Variants in KCNT2 observed in about 807,000 individuals in gnomAD.
The protein encoded by KCNT2 is potassium sodium-activated channel subfamily T member 2.
Under a neutral mutation model 153.8 loss-of-function variants are expected in KCNT2, and 67 were observed. That is an observed-to-expected ratio of 0.44 (90% CI 0.36 to 0.53). KCNT2 has a LOEUF of 0.53. KCNT2 is among the 20% of genes least tolerant of loss of function. The pLI is 0.00. For synonymous variants in KCNT2, 500 were observed against 458.8 expected (o/e 1.09, Z -1.15); for missense variants, 975 against 1,354.8 (o/e 0.72, Z 4.40).
chr1:196,511,152 C>G (rs1464759282), intron 1 of KCNT2, among the ~76,000 whole-genome samples: 1 of 128,002 alleles, frequency 7.8e-6, no homozygotes, highest in African/African-American at 2.9e-5. Flanking sequence ...CACACACACA[C>G]ACACAACTTT....
At chr1:196,560,216 C>A (rs1469828121) in intron 1 of KCNT2, among the ~76,000 whole-genome samples, 1 of 151,412 alleles carries the variant, frequency 6.6e-6, no homozygotes, top group Non-Finnish European at 1.5e-5. Flanking sequence ...AGGAGACAGC[C>A]CTTAATAAAA....
intron 3 of KCNT2, among the ~76,000 whole-genome samples, chr1:196,483,808 A>T (rs1679202785): frequency 6.6e-6 from 1 of 152,144 alleles, no homozygotes; most frequent in Admixed American, 6.6e-5. Flanking sequence ...GTTCCATAAG[A>T]TAAAATAACT....
intron 22 of KCNT2, among the ~76,000 whole-genome samples, chr1:196,295,858 T>G (rs555771961): frequency 8.5e-5 from 13 of 152,124 alleles, no homozygotes. Flanking sequence ...CCTTAGAAGA[T>G]AAACAAAGGA....
intron 12 of KCNT2, among the ~76,000 whole-genome samples, chr1:196,406,683 C>A (rs1267764502): frequency 6.6e-6 from 1 of 151,280 alleles, no homozygotes. Flanking sequence ...ATTTTGTCCT[C>A]CTGCCAAGTT....
At chr1:196,371,390 A>T (rs1304254301) in intron 14 of KCNT2, among the ~76,000 whole-genome samples, 1 of 151,888 alleles carries the variant, frequency 6.6e-6, no homozygotes, top group East Asian at 1.9e-4. Flanking sequence ...AAGGGTAGAT[A>T]ATTTCTTTAT....
chr1:196,419,337 C>A (rs1254529217), intron 12 of KCNT2, among the ~76,000 whole-genome samples: 1 of 101,762 alleles, frequency 9.8e-6, no homozygotes, highest in Non-Finnish European at 1.9e-5. Flanking sequence ...TCCCCCCTCC[C>A]CCCACCCCAC....
intron 9 of KCNT2, among the ~76,000 whole-genome samples, chr1:196,428,662 C>A (rs1673862590): frequency 6.6e-6 from 1 of 152,050 alleles, no homozygotes; most frequent in Non-Finnish European, 1.5e-5. Flanking sequence ...CACAAGGCCA[C>A]ATTCTAGCTG....
At chr1:196,400,259 C>T (rs998209901) in intron 12 of KCNT2, among the ~76,000 whole-genome samples, 8 of 151,446 alleles carry the variant, frequency 5.3e-5, no homozygotes, top group African/African-American at 1.9e-4. Context: ...TAGAAGTACA[C>T]AATTTTAAAG....
intron 1 of KCNT2, among the ~76,000 whole-genome samples, chr1:196,607,556 G>A (rs1029625292): frequency 1.3e-5 from 2 of 152,106 alleles, no homozygotes; most frequent in Non-Finnish European, 2.9e-5. Context: ...TTATGAAAAG[G>A]TTGTATCATG....
intron 8 of KCNT2, among the ~76,000 whole-genome samples, chr1:196,439,521 A>G (rs577596187): frequency 1.3e-5 from 2 of 152,092 alleles, no homozygotes; most frequent in African/African-American, 4.8e-5. Flanking sequence ...GTGGTTTTCA[A>G]CAAATAGTTA....
intron 8 of KCNT2, among the ~76,000 whole-genome samples, chr1:196,437,290 T>A (rs1333495337): frequency 2.9e-5 from 1 of 34,152 alleles, no homozygotes; most frequent in Admixed American, 4.3e-4. Context: ...AAAATATATA[T>A]AATATATATA....
chr1:196,264,766 A>C (rs1657372332), intron 25 of KCNT2, among the ~76,000 whole-genome samples: 2 of 152,040 alleles, frequency 1.3e-5, no homozygotes, highest in African/African-American at 2.4e-5. Flanking sequence ...CGAGCAGCTA[A>C]GACCACAGGC....
At position 196,534,456 on chromosome 1, in the gene KCNT2, G is replaced by A. The variant is rs529951716; in HGVS notation, c.96-42115C>T. Among the ~76,000 whole-genome samples, 6 of 152,172 alleles carry A rather than the reference G, an allele frequency of 3.9e-5. No individual in the cohort carries two copies. The South Asian group carries it at 6.2e-4, about 16-fold the overall frequency. ...ATTAACATAGTATTTGCTAGAGTTG[G>A]GGAGACTAATTACTTGAGCTGAAAC... is the stretch of plus-strand genomic sequence containing the variant. On this transcript the variant is annotated intron_variant, in intron 1 of 27. Coordinates refer to ENST00000294725, the MANE Select transcript of KCNT2 (RefSeq NM_198503.5).
intron 8 of KCNT2, among the ~76,000 whole-genome samples, chr1:196,431,497 G>A (rs1324537160): frequency 2.6e-5 from 4 of 152,144 alleles, no homozygotes; most frequent in South Asian, 2.1e-4. Flanking sequence ...AATACCGACG[G>A]TAACGGCCTT....
At chr1:196,552,072 T>G (rs1229592916) in intron 1 of KCNT2, among the ~76,000 whole-genome samples, 1 of 151,542 alleles carries the variant, frequency 6.6e-6, no homozygotes, top group Non-Finnish European at 1.5e-5. Context: ...TTCTCCCTCC[T>G]ATTCTCTTCT....
chr1:196,424,214 A>G (rs746337567), intron 11 of KCNT2, among the ~76,000 whole-genome samples: 11 of 151,902 alleles, frequency 7.2e-5, no homozygotes, highest in Non-Finnish European at 1.2e-4. Flanking sequence ...AATTAGTTAC[A>G]TTAATCCTAA....
chr1:196,383,906 C>A (rs964244143), intron 13 of KCNT2, among the ~76,000 whole-genome samples: 9 of 152,044 alleles, frequency 5.9e-5, no homozygotes, highest in African/African-American at 2.2e-4. Flanking sequence ...GCCAGCTATA[C>A]CTTGCAGCAA....
intron 19 of KCNT2, among the ~76,000 whole-genome samples, chr1:196,323,105 T>C (rs1663493508): frequency 6.6e-6 from 1 of 151,938 alleles, no homozygotes; most frequent in African/African-American, 2.4e-5. Flanking sequence ...CTCAGTAACA[T>C]TTAACAGACC....
At chr1:196,328,770 AT>A in intron 18 of KCNT2, among the ~76,000 whole-genome samples, 1 of 152,226 alleles carries the variant, frequency 6.6e-6, no homozygotes, top group Admixed American at 6.5e-5. Context: ...CCTTAACAGA[AT>A]TTCTAAAGGT....
Sources: gnomAD v4.1 joint callset for allele counts (sites outside exome capture counted in the v4.1 genomes callset) on GRCh38, gnomAD v4.1.1 for gene constraint, MANE v1.5 for transcripts, NCBI Gene and HGNC (gene_info 2026-07-23, HGNC 2026-07-21) for gene names.